Variants in INSR observed in about 807,000 individuals in gnomAD.
The protein encoded by INSR is IR.
A neutral mutation model predicts 142.6 loss-of-function variants in INSR; 67 were observed. The observed-to-expected ratio is 0.47, with a 90% CI of 0.39 to 0.58. The LOEUF (loss-of-function observed/expected upper bound fraction) is 0.58, where lower values mean the gene tolerates loss of function less well. Among genes scored for constraint, INSR ranks in the 20% least tolerant of loss-of-function variants. The pLI is 0.00. For synonymous variants in INSR, 756 were observed against 743.1 expected (o/e 1.02, Z -0.28); for missense variants, 1,248 against 1,833.2 (o/e 0.68, Z 5.83).
intron 2 of INSR, among the ~76,000 whole-genome samples, chr19:7,213,356 AAAAC>A (rs1401213758): frequency 1.4e-5 from 2 of 140,340 alleles, no homozygotes; most frequent in Admixed American, 6.9e-5. Flanking sequence ...AAAAAAAAAA[AAAAC>A]AAACAAAAAA....
chr19:7,201,489 G>T (rs1434327130), intron 2 of INSR, among the ~76,000 whole-genome samples: 1 of 151,252 alleles, frequency 6.6e-6, no homozygotes, highest in African/African-American at 2.4e-5. Context: ...GCTGGGTGTG[G>T]TGGTGGGCGC....
In INSR at chr19:7,152,845, A is replaced by T. The variant is rs780341809; in HGVS notation, c.2112T>A (p.Asp704Glu). 9 of 1,613,382 alleles carry T rather than the reference A, an allele frequency of 5.6e-6. No individual in the cohort carries two copies. The highest frequency in any genetic ancestry group is 1.1e-5 in the South Asian group (1 of 91,058). The change falls in exon 10 of 22, where the codon GAT becomes GAA. Residue 704 changes from aspartate to glutamate, a missense_variant. This residue lies in a region of INSR where 1,069 missense variants were observed against 1,654.0 expected (regional missense o/e 0.65). Transcript: ENST00000302850. ...GACAGGAGCAGCATTCGCCGGCCGA[A>T]TCCTCATACTCACTCTGGTTGTGCT... Reference protein sequence around the residue: ...SQKHNQSEYEDSAGECCSCPK... With the variant: ...SQKHNQSEYEESAGECCSCPK...
intron 2 of INSR, among the ~76,000 whole-genome samples, chr19:7,191,243 G>A (rs1262065898): frequency 6.6e-6 from 1 of 151,850 alleles, no homozygotes; most frequent in Non-Finnish European, 1.5e-5. Flanking sequence ...GTTGCAGTGA[G>A]CCGAGATTGT....
rs556102836 is a variant in INSR at position 7,198,904 on chromosome 19, G to A, written c.653-14267C>T. Among the ~76,000 whole-genome samples the A allele has an allele frequency of 5.7e-3, 862 of 151,996 alleles. 7 individuals carry two copies. The highest frequency in any genetic ancestry group is 9.2e-3 in the Non-Finnish European group (627 of 67,958). ...CCCCATAAATACACTTTTTTTGGGGGGGGGGTCTCACTCTGTCGCCTCAGG... is the reference window on the plus strand; with the variant it reads ...CCCCATAAATACACTTTTTTTGGGGAGGGGGTCTCACTCTGTCGCCTCAGG... On this transcript the variant is annotated intron_variant, in intron 2 of 21. Coordinates refer to ENST00000302850, the MANE Select transcript of INSR (RefSeq NM_000208.4).
chr19:7,146,236 C>CT (rs35961932), intron 11 of INSR, among the ~76,000 whole-genome samples: 9,665 of 110,366 alleles, frequency 0.088, 668 homozygotes, highest in African/African-American at 0.17. Context: ...TTGTCAAGTT[C>CT]TTTTTTTTTT....
chr19:7,231,375 T>C (rs1022033729), intron 2 of INSR, among the ~76,000 whole-genome samples: 11 of 149,824 alleles, frequency 7.3e-5, no homozygotes, highest in African/African-American at 2.7e-4. Context: ...ATCTCTGCTC[T>C]CTGCAACCTC....
At chr19:7,254,693 C>G (rs1976835362) in intron 2 of INSR, among the ~76,000 whole-genome samples, 2 of 152,180 alleles carry the variant, frequency 1.3e-5, no homozygotes, top group Admixed American at 1.3e-4. Flanking sequence ...AGAAACAGAT[C>G]ACTGAAGGAC....
intron 2 of INSR, among the ~76,000 whole-genome samples, chr19:7,207,410 C>T (rs893426687): frequency 5.9e-5 from 9 of 151,536 alleles, no homozygotes; most frequent in African/African-American, 2.2e-4. Context: ...GAGTGAGACT[C>T]CATCTCAAAA....
At chr19:7,128,017 C>G (rs976574031) in intron 15 of INSR, among the ~76,000 whole-genome samples, 2 of 151,956 alleles carry the variant, frequency 1.3e-5, no homozygotes, top group Non-Finnish European at 2.9e-5. Flanking sequence ...GTTGGGATTA[C>G]AGGTGTGAGC....
chr19:7,181,212 C>G (rs1974266795), intron 3 of INSR, among the ~76,000 whole-genome samples: 1 of 152,194 alleles, frequency 6.6e-6, no homozygotes, highest in African/African-American at 2.4e-5. Context: ...TCCCAAAGTG[C>G]TGGGGTTATA....
rs1183492084 is a variant in INSR, at chr19:7,184,630, C to T, written c.660G>A (p.Pro220=). The T allele has an allele frequency of 5.6e-6, 9 of 1,598,572 alleles. No individual in the cohort carries two copies. The highest frequency in any genetic ancestry group is 2.2e-5 in the East Asian group (1 of 44,704). Residue 220 remains proline, a synonymous_variant, in exon 3 of 22, where the codon CCG becomes CCA. Coordinates refer to ENST00000302850, the MANE Select transcript of INSR (RefSeq NM_000208.4). The stretch of plus-strand genomic sequence containing the variant: ...TGCAGCCGTGTGACTTACAGATGGT[C>T]GGGCAAACTGGAGAGAGAGAGAGAG... ...WTHSHCQKVC[P]TICKSHGCTA... is the part of the protein sequence containing the mutation.
At chr19:7,189,150 C>G (rs974211915) in intron 2 of INSR, among the ~76,000 whole-genome samples, 1 of 147,376 alleles carries the variant, frequency 6.8e-6, no homozygotes, top group Non-Finnish European at 1.5e-5. Context: ...CCAGGACCCA[C>G]GGAGTTCCAG....
At chr19:7,187,297 G>A (rs1974456792) in intron 2 of INSR, among the ~76,000 whole-genome samples, 1 of 151,778 alleles carries the variant, frequency 6.6e-6, no homozygotes, top group African/African-American at 2.4e-5. Flanking sequence ...GGCCAGGCTG[G>A]TCTCGAACTC....
At chr19:7,123,028 G>A (rs1435568175) in intron 17 of INSR, 39 bp from the exon 18 acceptor site, 6 of 1,440,310 alleles carry the variant, frequency 4.2e-6, no homozygotes, top group South Asian at 1.2e-5. Context: ...AGGAGGGTCC[G>A]TGATTCGACT....
chr19:7,287,871 A>G (rs1968383376), intron 1 of INSR, among the ~76,000 whole-genome samples: 1 of 152,208 alleles, frequency 6.6e-6, no homozygotes, highest in Non-Finnish European at 1.5e-5. Flanking sequence ...CAAAGTGTAA[A>G]TATTTTGGCC....
chr19:7,134,391 T>G (rs6510949), intron 13 of INSR, among the ~76,000 whole-genome samples: 143,884 of 152,126 alleles, frequency 0.95, 68,062 homozygotes, highest in East Asian at 1. Context: ...TGGATAAATG[T>G]GCTTAATGTC....
intron 2 of INSR, among the ~76,000 whole-genome samples, chr19:7,251,092 C>T (rs1976713595): frequency 6.6e-6 from 1 of 152,004 alleles, no homozygotes; most frequent in Non-Finnish European, 1.5e-5. Context: ...CGTTGAACGG[C>T]ATCCCTGGCC....
At chr19:7,130,820 TTCTC>T (rs1293290319) in intron 14 of INSR, among the ~76,000 whole-genome samples, 1 of 151,824 alleles carries the variant, frequency 6.6e-6, no homozygotes, top group Non-Finnish European at 1.5e-5. Flanking sequence ...ATCTCTCTTT[TTCTC>T]TCTTTCTTTC....
chr19:7,242,754 A>AC (rs1332519290), intron 2 of INSR, among the ~76,000 whole-genome samples: 1 of 148,404 alleles, frequency 6.7e-6, no homozygotes, highest in African/African-American at 2.5e-5. Context: ...AAAAAAAAAA[A>AC]CAGCTACAAC....
Sources: gnomAD v4.1 joint callset for allele counts (sites outside exome capture counted in the v4.1 genomes callset) on GRCh38, gnomAD v4.1.1 for gene constraint, gnomAD v4.1.1 regional missense constraint, MANE v1.5 for transcripts, NCBI Gene and HGNC (gene_info 2026-07-23, HGNC 2026-07-21) for gene names.